The following PTPN21 variants were observed in gnomAD, a reference collection of about 807,000 sequenced individuals.
PTPN21 encodes protein tyrosine phosphatase non-receptor type 21.
In PTPN21, 77 loss-of-function variants were observed where a neutral mutation model predicts 131.8. The observed-to-expected ratio is 0.58, with a 90% CI of 0.49 to 0.71. The LOEUF (loss-of-function observed/expected upper bound fraction) is 0.71. Among genes scored for constraint, PTPN21 ranks in the 30% least tolerant of loss-of-function variants. The pLI, the probability that PTPN21 is intolerant of heterozygous loss-of-function variation, is 0.00. For synonymous variants in PTPN21, 715 were observed against 621.3 expected, an observed-to-expected ratio of 1.15 and a Z score of -2.24; for missense variants, 1,552 against 1,527.1, an observed-to-expected ratio of 1.02 and a Z score of -0.27.
chr14:88,539,994 G>A (rs752629929), intron 2 of PTPN21, among the ~76,000 whole-genome samples: 1 of 152,280 alleles, frequency 6.6e-6, no homozygotes, highest in Admixed American at 6.5e-5. Flanking sequence ...ACAAGGGACT[G>A]AGAAGGTTAT....
chr14:88,550,211 G>A (rs760430095), intron 2 of PTPN21, 27 bp downstream of exon 2: 14 of 1,603,786 alleles, frequency 8.7e-6, no homozygotes, highest in Admixed American at 1.7e-5. Context: ...ACCCGCGCCT[G>A]GCCTGCAGTG....
Position 88,479,186 on chromosome 14 carries a change from C to T in PTPN21, c.2245G>A (p.Val749Ile). The change falls in exon 13 of 19, where the codon GTC (valine) becomes ATC (isoleucine). Residue 749 changes from valine (V) to isoleucine (I), a missense_variant. Coordinates refer to ENST00000556564, the MANE Select transcript of PTPN21 (RefSeq NM_007039.4). ...ATGTGCAGGGGCCCGGCGAGCAGGA[C>T]GCGAGGGCAGCCAGGTGGGTCCTGG... ...LAQDPPGCPR[V>I]LLAGPLHILE... 1 of 1,567,112 alleles carries T rather than the reference C, an allele frequency of 6.4e-7. No individual in the cohort carries two copies. Among genetic ancestry groups the T allele is most frequent in the Non-Finnish European group, 8.6e-7 (1 of 1,159,600 alleles).
chr14:88,527,464 T>C (rs578051110), intron 2 of PTPN21, among the ~76,000 whole-genome samples: 4 of 152,322 alleles, frequency 2.6e-5, no homozygotes, highest in East Asian at 1.9e-4. Context: ...CTTTTGAGAA[T>C]TGTCTAACTC....
At chr14:88,553,898 A>G (rs1030641598) in intron 1 of PTPN21, among the ~76,000 whole-genome samples, 2 of 152,200 alleles carry the variant, frequency 1.3e-5, no homozygotes, top group South Asian at 2.1e-4. Flanking sequence ...TTTTAGAGTA[A>G]TATCTATAGC....
At position 88,516,967 on chromosome 14, in the gene PTPN21, A is replaced by G; in HGVS notation, c.350+125T>C. 3 of 1,077,820 alleles carry G rather than the reference A, an allele frequency of 2.8e-6. No homozygotes were observed. In the South Asian group the frequency reaches 5.0e-5, roughly 18 times the overall value. The allele number at this position is 1,077,820 out of a possible 1,614,324, so 66.8% of individuals were successfully genotyped here. A position where few individuals can be genotyped will look rare whatever the true frequency, so the allele number is the denominator to read the frequency against. On this transcript the variant is annotated intron_variant, in intron 3 of 18. Transcript: ENST00000556564. ...CCACATATGAGAATCTCTTTGTAAC[A>G]CCGTGGCTAAAAATGTGGGGCGAGA...
chr14:88,530,476 T>G (rs1485762736), intron 2 of PTPN21, among the ~76,000 whole-genome samples: 1 of 152,138 alleles, frequency 6.6e-6, no homozygotes, highest in Non-Finnish European at 1.5e-5. Context: ...ATGCTTCCCT[T>G]AAAAGATACA....
intron 12 of PTPN21, among the ~76,000 whole-genome samples, chr14:88,482,437 C>T (rs1433662421): frequency 6.6e-6 from 1 of 152,008 alleles, no homozygotes; most frequent in African/African-American, 2.4e-5. Context: ...CCAGCCTGAC[C>T]AACACGGAGA....
chr14:88,550,073 T>C (rs536353730), intron 2 of PTPN21, among the ~76,000 whole-genome samples, 165 bp downstream of exon 2: 48 of 151,842 alleles, frequency 3.2e-4, no homozygotes, highest in African/African-American at 1.1e-3. Context: ...TGTGAGCCAC[T>C]GCGCCCGGCC....
rs2077508882 is a variant in PTPN21 at position 88,473,937 on chromosome 14, T to C, written c.2512-135A>G. On this transcript the variant is annotated intron_variant, in intron 13 of 18. Coordinates refer to ENST00000556564, the MANE Select transcript of PTPN21 (RefSeq NM_007039.4). ...GCCAATAAACCCAGAAAGATTACAC[T>C]CCTTCACACACCACTTGTTTAACAA... 15 of 664,922 alleles carry C rather than the reference T, an allele frequency of 2.3e-5. No homozygotes were observed. In the South Asian group the frequency reaches 2.6e-4, roughly 12 times the overall value. 41.2% of individuals were successfully genotyped at this position (664,922 alleles called of 1,614,324 possible).
At chr14:88,551,715 C>T (rs1257834900) in intron 1 of PTPN21, 1 of 152,234 alleles carries the variant, frequency 6.6e-6, no homozygotes, top group Non-Finnish European at 1.5e-5. Flanking sequence ...CTCGCTATGC[C>T]ACCCAGGCTG....
chr14:88,469,731 C>G lies in PTPN21; in HGVS notation c.3003G>C (p.Glu1001Asp), dbSNP rs1203596290. ...AIIAMVTAEE[E>D]GGREKSFRYW... ...ACCTAAAGCTCTTCTCCCTTCCACCCTCCTGTTAAAGATGAGCATGGTTAA... is the reference window on the plus strand; with the variant it reads ...ACCTAAAGCTCTTCTCCCTTCCACCGTCCTGTTAAAGATGAGCATGGTTAA... The change falls in exon 17 of 19, where the codon GAG becomes GAC. Residue 1001 changes from glutamate (E) to aspartate (D), a missense_variant and splice_region_variant. Glu to Asp is a conservative substitution (Grantham distance 45). Around this residue, in one of 4 missense-constraint regions of PTPN21, gnomAD observed 316 missense variants for 378.5 expected, o/e 0.83. Transcript: ENST00000556564. The surrounding 1 kb of genome is among the most constrained non-coding windows in gnomAD (Gnocchi z 4.3). 1 of 1,613,996 alleles carries G rather than the reference C, an allele frequency of 6.2e-7. No homozygotes were observed. The highest frequency in any genetic ancestry group is 8.5e-7 in the Non-Finnish European group (1 of 1,179,870).
At chr14:88,483,235 G>T (rs900166338) in intron 12 of PTPN21, among the ~76,000 whole-genome samples, 1 of 150,152 alleles carries the variant, frequency 6.7e-6, no homozygotes, top group Non-Finnish European at 1.5e-5. Flanking sequence ...AAAAAAGTCA[G>T]TGAGAAAAGA....
At chr14:88,533,027 A>G (rs1320510520) in intron 2 of PTPN21, among the ~76,000 whole-genome samples, 3 of 152,202 alleles carry the variant, frequency 2.0e-5, no homozygotes. Flanking sequence ...TTTATCAGGC[A>G]AAGTTAGTTA....
At chr14:88,494,446 T>G (rs2077873281) in intron 10 of PTPN21, among the ~76,000 whole-genome samples, 1 of 151,968 alleles carries the variant, frequency 6.6e-6, no homozygotes, top group Non-Finnish European at 1.5e-5. Context: ...GGCAGGAGGA[T>G]TCCTAAAGTC....
intron 2 of PTPN21, among the ~76,000 whole-genome samples, chr14:88,524,240 T>C (rs1466862525): frequency 2.0e-5 from 3 of 152,298 alleles, no homozygotes; most frequent in South Asian, 2.1e-4. Context: ...TACAAGAGTA[T>C]AGTAATCCAA....
At chr14:88,496,292 G>A in intron 10 of PTPN21, 121 bp downstream of exon 10, 1 of 851,892 alleles carries the variant, frequency 1.2e-6, no homozygotes, top group Non-Finnish European at 1.8e-6. Context: ...TAGGAAAACA[G>A]CTATAGGATC....
At chr14:88,509,907 A>T (rs1011462324) in intron 3 of PTPN21, among the ~76,000 whole-genome samples, 1 of 152,160 alleles carries the variant, frequency 6.6e-6, no homozygotes, top group African/African-American at 2.4e-5. Flanking sequence ...GTGGTGGCAC[A>T]TGCCTGTAGT....
Position 88,469,833 on chromosome 14 carries a change from C to G in PTPN21, c.3000+89G>C, listed in dbSNP as rs777788817. On this transcript the variant is annotated intron_variant, in intron 16 of 18. Coordinates refer to ENST00000556564, the MANE Select transcript of PTPN21 (RefSeq NM_007039.4). This position sits in a 1 kb window ranked among gnomAD's most constrained non-coding sequence, Gnocchi z 4.3. ...AAACAGAACCACAACCCTACCCTGC[C>G]TTTTTCTCCACAGGTCAGGATTCCA... is the stretch of plus-strand genomic sequence containing the variant. The G allele has an allele frequency of 1.9e-6, 3 of 1,605,544 alleles. No homozygotes were observed. Among genetic ancestry groups the G allele is most frequent in the Non-Finnish European group, 2.6e-6 (3 of 1,172,442 alleles).
chr14:88,508,952 T>C (rs35613496), intron 3 of PTPN21, among the ~76,000 whole-genome samples: 6,247 of 152,218 alleles, frequency 0.041, 204 homozygotes, highest in Non-Finnish European at 0.063. Flanking sequence ...CTCTCCAAAT[T>C]AGTATTCTGC....
Sources: allele counts gnomAD v4.1 joint callset (sites outside exome capture counted in the v4.1 genomes callset), GRCh38; gene constraint gnomAD v4.1.1; regional missense constraint gnomAD v4.1.1; non-coding constraint Gnocchi (gnomAD v3.1); transcripts MANE v1.5; gene names NCBI Gene and HGNC (gene_info 2026-07-23, HGNC 2026-07-21).